The following VEPH1 variants were observed in gnomAD, a reference collection of about 807,000 sequenced individuals.
VEPH1 encodes the protein ventricular zone expressed PH domain containing 1, also known as ventricular zone-expressed PH domain-containing protein homolog 1.
A neutral mutation model predicts 85.2 loss-of-function variants in VEPH1; 80 were observed. The ratio of observed to expected loss-of-function variants is 0.94; its 90% CI spans 0.78 to 1.13. The LOEUF is 1.13. Among genes scored for constraint, VEPH1 ranks in the 50% most tolerant of loss-of-function variants. The pLI is 0.00. For synonymous variants in VEPH1, 297 were observed against 348.0 expected, an observed-to-expected ratio of 0.85 and a Z score of 1.63; for missense variants, 955 against 980.5, an observed-to-expected ratio of 0.97 and a Z score of 0.35.
intron 6 of VEPH1, among the ~76,000 whole-genome samples, chr3:157,385,536 T>C (rs1385390117): frequency 1.3e-5 from 2 of 152,158 alleles, no homozygotes; most frequent in African/African-American, 4.8e-5. Context: ...AAAAATCACA[T>C]TTTCAAAAAC....
At chr3:157,385,741 C>T (rs937211091) in intron 6 of VEPH1, among the ~76,000 whole-genome samples, 1 of 152,126 alleles carries the variant, frequency 6.6e-6, no homozygotes, top group Non-Finnish European at 1.5e-5. Flanking sequence ...TCTTCTTGGA[C>T]GCTACACCAA....
chr3:157,473,881 C>T lies in VEPH1; in HGVS notation c.139-3352G>A, dbSNP rs777268929. Among the ~76,000 whole-genome samples the T allele has an allele frequency of 7.0e-4, 107 of 152,152 alleles. 2 individuals carry two copies. The highest frequency in any genetic ancestry group is 5.2e-4 in the Admixed American group (8 of 15,290). On this transcript the variant is annotated intron_variant, in intron 2 of 13. Coordinates refer to ENST00000362010, the MANE Select transcript of VEPH1 (RefSeq NM_001167912.2). ...AATGCCTTTTTAGCATTTATAGGTA[C>T]ATCAAATATTTTTGTCCTTAGATCT... is the stretch of plus-strand genomic sequence containing the variant.
intron 9 of VEPH1, among the ~76,000 whole-genome samples, chr3:157,356,431 C>G (rs1055804398): frequency 1.2e-4 from 18 of 152,150 alleles, no homozygotes; most frequent in African/African-American, 4.1e-4. Context: ...AGATCATTTC[C>G]TACTAAATTA....
intron 6 of VEPH1, among the ~76,000 whole-genome samples, chr3:157,384,383 A>G (rs1436212494): frequency 6.6e-6 from 1 of 152,212 alleles, no homozygotes; most frequent in Admixed American, 6.5e-5. Flanking sequence ...ACTAAGATGT[A>G]ATTTAAAATT....
rs552556759 is a variant in VEPH1, at chr3:157,491,561, G to A, written c.138+3651C>T. On this transcript the variant is annotated intron_variant, in intron 2 of 13. Transcript: ENST00000362010. Reference sequence around the variant, plus strand: ...TATTTTGTAGTAACTGGTAGAAAAAGAGGACATGGACTGGACAGTAAAATC... The same window carrying A: ...TATTTTGTAGTAACTGGTAGAAAAAAAGGACATGGACTGGACAGTAAAATC... Among the ~76,000 whole-genome samples, 10 of 152,270 alleles carry A rather than the reference G, an allele frequency of 6.6e-5. No homozygotes were observed. The East Asian group carries it at 1.9e-3, about 29-fold the overall frequency.
intron 6 of VEPH1, among the ~76,000 whole-genome samples, chr3:157,381,941 C>A (rs538701387): frequency 6.6e-6 from 1 of 152,176 alleles, no homozygotes; most frequent in South Asian, 2.1e-4. Context: ...AGGTCAAAAC[C>A]TCTCAACCAT....
chr3:157,304,038 T>TATATATATATATATACACACACACAC lies in VEPH1; in HGVS notation c.2010+9582_2010+9583insGTGTGTGTGTGTATATATATATATAT. 9.5e-4 allele frequency among the ~76,000 whole-genome samples: 92 copies of TATATATATATATATACACACACACAC among 96,880 alleles called. 6 individuals are homozygous for TATATATATATATATACACACACACAC. The highest frequency in any genetic ancestry group is 2.0e-3 in the Admixed American group (14 of 6,972). 63.6% of individuals were successfully genotyped at this position (96,880 alleles called of 152,430 possible). On this transcript the variant is annotated intron_variant, in intron 11 of 13. Transcript: ENST00000362010. Reference sequence around the variant, plus strand: ...CTTATATTTTTTATATATATATATATACACACATACTGTTACATCTTATAT... The same window carrying TATATATATATATATACACACACACAC: ...CTTATATTTTTTATATATATATATATATATATATATATATACACACACACACACACACATACTGTTACATCTTATAT...
chr3:157,378,353 TATATAG>T (rs1728387303), intron 7 of VEPH1, among the ~76,000 whole-genome samples: 3 of 84,972 alleles, frequency 3.5e-5, no homozygotes, highest in Admixed American at 1.3e-4. Flanking sequence ...TATATATATA[TATATAG>T]TAGTGATTCT....
At chr3:157,391,573 G>C (rs1729858140) in intron 6 of VEPH1, among the ~76,000 whole-genome samples, 1 of 152,168 alleles carries the variant, frequency 6.6e-6, no homozygotes, top group Non-Finnish European at 1.5e-5. Flanking sequence ...TCAGGTCAGA[G>C]TCTTTGGGAA....
At chr3:157,286,439 T>C in intron 12 of VEPH1, 118 bp downstream of exon 12, 1 of 806,124 alleles carries the variant, frequency 1.2e-6, no homozygotes. Context: ...CATGACTCTG[T>C]GCATTATTAC....
intron 10 of VEPH1, among the ~76,000 whole-genome samples, chr3:157,314,345 AAAAAAAAAAAAAAAAAAAT>A (rs1389657932): frequency 3.4e-5 from 4 of 117,208 alleles, no homozygotes; most frequent in African/African-American, 1.9e-4. Flanking sequence ...AAAAAAAAAA[AAAAAAAAAAAAAAAAAAAT>A]TAAACGAAAA....
At chr3:157,267,468 G>C (rs1212325741) in intron 12 of VEPH1, among the ~76,000 whole-genome samples, 3 of 151,770 alleles carry the variant, frequency 2.0e-5, no homozygotes, top group Non-Finnish European at 2.9e-5. Flanking sequence ...TCAATTGGCT[G>C]TTCCATTGTC....
At chr3:157,408,423 C>G (rs566696444) in intron 6 of VEPH1, among the ~76,000 whole-genome samples, 1 of 152,128 alleles carries the variant, frequency 6.6e-6, no homozygotes, top group South Asian at 2.1e-4. Flanking sequence ...AGTAGACAGA[C>G]TTGATGGAAT....
intron 6 of VEPH1, among the ~76,000 whole-genome samples, chr3:157,405,789 G>A (rs1028517733): frequency 2.0e-5 from 3 of 152,186 alleles, no homozygotes; most frequent in African/African-American, 4.8e-5. Context: ...GTAACAGCAA[G>A]TACCAAATTA....
chr3:157,285,123 C>A (rs1346561635), intron 12 of VEPH1: 1 of 152,178 alleles, frequency 6.6e-6, no homozygotes, highest in East Asian at 1.9e-4. Context: ...AATAAAGCTT[C>A]TTTTATGCTC....
chr3:157,459,060 A>G lies in VEPH1; in HGVS notation c.529+1121T>C, dbSNP rs76665677. On this transcript the variant is annotated intron_variant, in intron 4 of 13. Coordinates refer to ENST00000362010, the MANE Select transcript of VEPH1 (RefSeq NM_001167912.2). ...TCTACCAAGGTATAACACTGAGGAGAAAGGCTAGTGTTCTTTCCCATCCTG... is the reference window on the plus strand; with the variant it reads ...TCTACCAAGGTATAACACTGAGGAGGAAGGCTAGTGTTCTTTCCCATCCTG... 7.5e-3 allele frequency among the ~76,000 whole-genome samples: 1,144 copies of G among 152,244 alleles called. 22 individuals carry two copies. The highest frequency in any genetic ancestry group is 0.067 in the East Asian group (348 of 5,184).
intron 6 of VEPH1, among the ~76,000 whole-genome samples, chr3:157,411,581 T>A (rs1254928256): frequency 2.0e-5 from 3 of 152,134 alleles, no homozygotes; most frequent in African/African-American, 7.2e-5. Context: ...GATTATGACT[T>A]AGTAGGCATT....
At chr3:157,495,987 C>T (rs946928463) in intron 1 of VEPH1, among the ~76,000 whole-genome samples, 7 of 152,204 alleles carry the variant, frequency 4.6e-5, no homozygotes, top group African/African-American at 1.7e-4. Context: ...GGCTGCCTTG[C>T]TACGCTAGCA....
rs573149009 is a variant in VEPH1, at chr3:157,492,316, T to C, written c.138+2896A>G. The stretch of plus-strand genomic sequence containing the variant: ...CAAGAATTCTGATCCGTACGAGTTA[T>C]AATTTTCATTGTAAATCAGTACATC... On this transcript the variant is annotated intron_variant, in intron 2 of 13. Coordinates refer to ENST00000362010, the MANE Select transcript of VEPH1 (RefSeq NM_001167912.2). Among the ~76,000 whole-genome samples the C allele has an allele frequency of 2.0e-4, 31 of 152,332 alleles. 1 individual carries two copies. The highest frequency in any genetic ancestry group is 8.3e-4 in the South Asian group (4 of 4,828).
Sources: gnomAD v4.1 joint callset for allele counts (sites outside exome capture counted in the v4.1 genomes callset) on GRCh38, gnomAD v4.1.1 for gene constraint, MANE v1.5 for transcripts, NCBI Gene and HGNC (gene_info 2026-07-23, HGNC 2026-07-21) for gene names.